TIAM2: variants seen among roughly 807,000 people sequenced by gnomAD.
TIAM2 encodes the protein rho guanine nucleotide exchange factor TIAM2.
TIAM2 carries 80 observed loss-of-function variants against 152.9 expected under a neutral mutation model. The observed-to-expected ratio is 0.52, with a 90% CI of 0.44 to 0.63. TIAM2 has a LOEUF of 0.63. TIAM2 is among the 30% of genes least tolerant of loss of function. The probability of loss-of-function intolerance (pLI) is 0.00; values close to 1 mark genes in which losing one functional copy is unlikely to be tolerated. For synonymous variants in TIAM2, 804 were observed against 838.0 expected (o/e 0.96, Z 0.70); for missense variants, 1,965 against 2,120.1 (o/e 0.93, Z 1.44).
chr6:155,032,186 G>A (rs1448115182), intron 1 of TIAM2, among the ~76,000 whole-genome samples: 4 of 143,104 alleles, frequency 2.8e-5, no homozygotes, highest in Admixed American at 2.0e-4. Context: ...CAATGTTCCT[G>A]TGTGTTTTCT....
At chr6:155,066,327 G>T (rs570406590) in intron 1 of TIAM2, among the ~76,000 whole-genome samples, 1 of 152,324 alleles carries the variant, frequency 6.6e-6, no homozygotes, top group Admixed American at 6.5e-5. Context: ...TCAGGCTCTT[G>T]TGTATTTACA....
At chr6:155,090,036 T>A (rs1327016662) in intron 1 of TIAM2, among the ~76,000 whole-genome samples, 1 of 152,188 alleles carries the variant, frequency 6.6e-6, no homozygotes, top group Non-Finnish European at 1.5e-5. Context: ...CATTCTATCT[T>A]CAAATGGCTT....
intron 7 of TIAM2, among the ~76,000 whole-genome samples, chr6:155,157,672 G>T (rs547040581): frequency 6.6e-6 from 1 of 152,226 alleles, no homozygotes; most frequent in East Asian, 1.9e-4. Flanking sequence ...ACCAAGAAGT[G>T]CATTTGCTAA....
chr6:155,129,430 G>A lies in TIAM2; in HGVS notation c.207G>A (p.Lys69=). 5 of 1,614,110 alleles carry A rather than the reference G, an allele frequency of 3.1e-6. No homozygotes were observed. Among genetic ancestry groups the A allele is most frequent in the Non-Finnish European group, 3.4e-6 (4 of 1,180,020 alleles). ...SLARSCLSHF[K]SNQPYASRLG... ...CCCGAAGCTGCCTTTCTCACTTTAA[G>A]AGTAACCAGCCTTACGCATCGAGAC... The change falls in exon 4 of 27, where the codon AAG becomes AAA. Residue 69 remains lysine, a synonymous_variant. Coordinates refer to ENST00000682666, the MANE Select transcript of TIAM2 (RefSeq NM_012454.4). The surrounding 1 kb of genome is among the most constrained non-coding windows in gnomAD (Gnocchi z 4.8).
intron 15 of TIAM2, among the ~76,000 whole-genome samples, chr6:155,227,764 T>A (rs1037836214): frequency 6.6e-6 from 1 of 152,144 alleles, no homozygotes; most frequent in Non-Finnish European, 1.5e-5. Context: ...GAGGAATCTG[T>A]GAGGATATAG....
rs557341799 is a variant in TIAM2, at chr6:155,125,853, A to G, written c.-117-1637A>G. 1.3e-4 allele frequency among the ~76,000 whole-genome samples: 20 copies of G among 152,266 alleles called. No homozygotes were observed. The South Asian group carries it at 3.3e-3, about 25-fold the overall frequency. ...ACTCTGTCTCCAAAAAAAGAGAGAAAAAAAAAAGAATTACAAATAGAATAA... is the reference window on the plus strand; with the variant it reads ...ACTCTGTCTCCAAAAAAAGAGAGAAGAAAAAAAGAATTACAAATAGAATAA... On this transcript the variant is annotated intron_variant, in intron 2 of 26. Coordinates refer to ENST00000682666, the MANE Select transcript of TIAM2 (RefSeq NM_012454.4).
rs376440078 is a variant in TIAM2 at position 155,000,594 on chromosome 6, AACTT to A, written c.-209+5107_-209+5110del. Among the ~76,000 whole-genome samples, 45 of 152,140 alleles carry A rather than the reference AACTT, an allele frequency of 3.0e-4. 1 individual carries two copies. The East Asian group carries it at 8.7e-3, about 29-fold the overall frequency. ...CTCTCAACACGATGGTCAGTAAGAG[AACTT>A]ACTTTAAGTAGAGAACAGTAAGTGA... On this transcript the variant is annotated intron_variant, in intron 1 of 26. Transcript: ENST00000682666.
intron 1 of TIAM2, among the ~76,000 whole-genome samples, chr6:155,076,840 C>T (rs771750731): frequency 5.9e-5 from 9 of 152,100 alleles, no homozygotes; most frequent in Non-Finnish European, 1.3e-4. Flanking sequence ...GGATTACATG[C>T]GTGTACCGCC....
chr6:155,215,202 C>T (rs1481234948), intron 15 of TIAM2, among the ~76,000 whole-genome samples: 3 of 152,118 alleles, frequency 2.0e-5, no homozygotes, highest in South Asian at 2.1e-4. Flanking sequence ...AAAGTTAGCA[C>T]GTTAAGGCCA....
chr6:155,041,962 G>T (rs949963722), intron 1 of TIAM2, among the ~76,000 whole-genome samples: 2 of 152,022 alleles, frequency 1.3e-5, no homozygotes, highest in Non-Finnish European at 2.9e-5. Flanking sequence ...CCTCACTCTG[G>T]CAGGCTGGCT....
At chr6:155,244,106 C>T (rs1193821057) in intron 17 of TIAM2, 27 bp downstream of exon 17, 2 of 1,592,798 alleles carry the variant, frequency 1.3e-6, no homozygotes, top group African/African-American at 1.3e-5. Context: ...TCCTTCTGTC[C>T]AGTGATCCAC....
chr6:155,211,451 A>G, intron 15 of TIAM2, 144 bp downstream of exon 15: 1 of 602,972 alleles, frequency 1.7e-6, no homozygotes, highest in African/African-American at 1.9e-5. Flanking sequence ...TGTTAAGGAT[A>G]CAGCTTCCTT....
chr6:155,255,811 C>T (rs1783971567), intron 26 of TIAM2: 1 of 152,380 alleles, frequency 6.6e-6, no homozygotes, highest in African/African-American at 2.4e-5. Context: ...AGTTTGAGAC[C>T]AACCTGGGCA....
At position 154,995,892 on chromosome 6, in the gene TIAM2, G is replaced by T. The variant is rs898396361; in HGVS notation, c.-209+400G>T. On this transcript the variant is annotated intron_variant, in intron 1 of 26. Transcript: ENST00000682666. The surrounding 1 kb of genome is among the most constrained non-coding windows in gnomAD (Gnocchi z 5.2). ...TCTCGCCCAAAGCCGAGCCGTGGGT[G>T]CCCGGAGGGGAGCGCCCGCTGCGCC... Among the ~76,000 whole-genome samples the T allele has an allele frequency of 2.6e-5, 4 of 152,160 alleles. No individual in the cohort carries two copies. Among genetic ancestry groups the T allele is most frequent in the Non-Finnish European group, 4.4e-5 (3 of 68,028 alleles).
intron 1 of TIAM2, among the ~76,000 whole-genome samples, chr6:155,085,108 C>A (rs963569224): frequency 7.9e-5 from 12 of 152,278 alleles, no homozygotes; most frequent in Admixed American, 5.9e-4. Context: ...ACATTTCTCA[C>A]TCCCAGTCCT....
chr6:155,115,695 T>C (rs1053021448), intron 2 of TIAM2, among the ~76,000 whole-genome samples: 10 of 152,116 alleles, frequency 6.6e-5, no homozygotes, highest in Admixed American at 1.3e-4. Context: ...ATCGAAAATA[T>C]CCAGGTTTGA....
At chr6:155,154,937 G>A (rs1178969176) in intron 7 of TIAM2, among the ~76,000 whole-genome samples, 1 of 152,192 alleles carries the variant, frequency 6.6e-6, no homozygotes, top group East Asian at 1.9e-4. Flanking sequence ...ATGAGAACAA[G>A]GCTTTGAGGA....
chr6:155,042,138 C>A (rs1327811276), intron 1 of TIAM2, among the ~76,000 whole-genome samples: 3 of 151,866 alleles, frequency 2.0e-5, no homozygotes, highest in African/African-American at 7.3e-5. Flanking sequence ...GACTGTTGCA[C>A]CCGGTCCCTT....
At chr6:155,091,261 G>C (rs764104828) in intron 2 of TIAM2, among the ~76,000 whole-genome samples, 1 of 152,078 alleles carries the variant, frequency 6.6e-6, no homozygotes, top group Non-Finnish European at 1.5e-5. Context: ...CTCACTGATC[G>C]TTTTCTCCTT....
Sources: allele counts gnomAD v4.1 joint callset (sites outside exome capture counted in the v4.1 genomes callset), GRCh38; gene constraint gnomAD v4.1.1; non-coding constraint Gnocchi (gnomAD v3.1); transcripts MANE v1.5; gene names NCBI Gene and HGNC (gene_info 2026-07-23, HGNC 2026-07-21).